The following LGSN variants were observed in gnomAD, a reference collection of about 807,000 sequenced individuals.
LGSN encodes lengsin, lens protein with glutamine synthetase domain.
A neutral mutation model predicts 19.5 loss-of-function variants in LGSN; 21 were observed. The observed-to-expected ratio is 1.07, with a 90% CI of 0.76 to 1.55. The LOEUF is 1.55. Among genes scored for constraint, LGSN ranks in the 40% most tolerant of loss-of-function variants. LGSN has a pLI of 0.00. For missense variants in LGSN, 673 were observed against 608.5 expected (o/e 1.11, Z -1.12); for synonymous variants, 257 against 215.6 (o/e 1.19, Z -1.68).
chr6:63,363,907 A>C, the LGSN span, among the ~76,000 whole-genome samples: 1 of 152,196 alleles, frequency 6.6e-6, no homozygotes, highest in Non-Finnish European at 1.5e-5. Flanking sequence ...AGATTCAACA[A>C]ACTTGAAATG....
At chr6:63,488,908 G>T in the LGSN span, among the ~76,000 whole-genome samples, 5 of 150,700 alleles carry the variant, frequency 3.3e-5, no homozygotes, top group Admixed American at 1.3e-4. Flanking sequence ...ACAAAATTTT[G>T]AACATACCAA....
the LGSN span, among the ~76,000 whole-genome samples, chr6:63,473,472 TAAAAAAAAAAAAA>T: frequency 6.7e-5 from 4 of 59,380 alleles, no homozygotes; most frequent in South Asian, 7.5e-4. Context: ...ACACTCTGTC[TAAAAAAAAAAAAA>T]AAAAAAAAAA....
chr6:63,570,248 T>C, the LGSN span, among the ~76,000 whole-genome samples: 351 of 152,278 alleles, frequency 2.3e-3, 2 homozygotes, highest in African/African-American at 8.0e-3. Flanking sequence ...GGAGAATTGC[T>C]GGAACCCAGG....
chr6:63,357,696 A>G, the LGSN span, among the ~76,000 whole-genome samples: 1 of 151,810 alleles, frequency 6.6e-6, no homozygotes. Flanking sequence ...TTTTTCTTGT[A>G]AATTTGTTTG....
At chr6:63,567,039 T>C in the LGSN span, among the ~76,000 whole-genome samples, 1 of 152,216 alleles carries the variant, frequency 6.6e-6, no homozygotes, top group Non-Finnish European at 1.5e-5. Flanking sequence ...AGTCAACTCT[T>C]CAGACTCTGT....
the LGSN span, among the ~76,000 whole-genome samples, chr6:63,522,978 C>A: frequency 6.6e-6 from 1 of 151,684 alleles, no homozygotes; most frequent in African/African-American, 2.4e-5. Context: ...GATTCTCCTG[C>A]CACAGCCTCC....
At chr6:63,551,916 C>A in the LGSN span, among the ~76,000 whole-genome samples, 4 of 152,074 alleles carry the variant, frequency 2.6e-5, no homozygotes, top group African/African-American at 4.8e-5. Flanking sequence ...TGTATATGTG[C>A]CACATTTTCT....
the LGSN span, chr6:63,572,456 G>A: frequency 2.6e-6 from 1 of 383,506 alleles, no homozygotes; most frequent in Non-Finnish European, 4.6e-6. Context: ...CGGCTATAAA[G>A]GGGAGGGCTT....
chr6:63,470,239 G>T, the LGSN span, among the ~76,000 whole-genome samples: 1 of 151,832 alleles, frequency 6.6e-6, no homozygotes, highest in African/African-American at 2.4e-5. Context: ...AGGCCAAGGT[G>T]GGCAGATCAC....
At chr6:63,390,417 A>G in the LGSN span, among the ~76,000 whole-genome samples, 1 of 151,260 alleles carries the variant, frequency 6.6e-6, no homozygotes, top group African/African-American at 2.4e-5. Context: ...GGTTTGAGCC[A>G]TTGTGCCAGC....
chr6:63,417,016 C>G, the LGSN span, among the ~76,000 whole-genome samples: 1 of 151,606 alleles, frequency 6.6e-6, no homozygotes, highest in Non-Finnish European at 1.5e-5. Context: ...TTATCAAAAA[C>G]AGATGTGAAA....
At chr6:63,327,456 A>C in the LGSN span, among the ~76,000 whole-genome samples, 449 of 152,326 alleles carry the variant, frequency 2.9e-3, 4 homozygotes, top group African/African-American at 0.01. Flanking sequence ...ATGCTATCCC[A>C]GACTGGTTAG....
the LGSN span, among the ~76,000 whole-genome samples, chr6:63,343,397 TTAAA>T: frequency 3.3e-5 from 5 of 152,212 alleles, no homozygotes; most frequent in Non-Finnish European, 5.9e-5. Flanking sequence ...AAAATGTAAC[TTAAA>T]TAAATGTGTG....
At chr6:63,463,194 C>A in the LGSN span, among the ~76,000 whole-genome samples, 1 of 152,060 alleles carries the variant, frequency 6.6e-6, no homozygotes, top group Non-Finnish European at 1.5e-5. Context: ...AAAAATTGTG[C>A]CTACCTCATA....
the LGSN span, among the ~76,000 whole-genome samples, chr6:63,412,553 A>AGAAAAGAAAGAAAAAGAAAGAAG: frequency 7.2e-6 from 1 of 138,966 alleles, no homozygotes; most frequent in African/African-American, 3.1e-5. Flanking sequence ...AAAGAAAGAA[A>AGAAAAGAAAGAAAAAGAAAGAAG]GAAAGAAAGA....
the LGSN span, among the ~76,000 whole-genome samples, chr6:63,454,850 A>G: frequency 1.7e-5 from 2 of 117,700 alleles, no homozygotes; most frequent in Non-Finnish European, 3.2e-5. Flanking sequence ...GCTGGAGTGT[A>G]ATGGCAATCT....
the LGSN span, among the ~76,000 whole-genome samples, chr6:63,406,453 G>C: frequency 2.0e-5 from 3 of 151,408 alleles, no homozygotes; most frequent in Non-Finnish European, 4.4e-5. Context: ...AATGAAGGCA[G>C]AAATAAAGAT....
At chr6:63,535,688 G>C in the LGSN span, among the ~76,000 whole-genome samples, 2 of 152,160 alleles carry the variant, frequency 1.3e-5, no homozygotes, top group Non-Finnish European at 2.9e-5. Flanking sequence ...ATTTATAGTA[G>C]TTTTGATGAG....
At chr6:63,497,555 A>G in the LGSN span, among the ~76,000 whole-genome samples, 1 of 152,136 alleles carries the variant, frequency 6.6e-6, no homozygotes. Flanking sequence ...TCCGTCTCAC[A>G]TAAAATAAAA....
Sources: allele counts gnomAD v4.1 joint callset (sites outside exome capture counted in the v4.1 genomes callset), GRCh38; gene constraint gnomAD v4.1.1; transcripts MANE v1.5; gene names NCBI Gene and HGNC (gene_info 2026-07-23, HGNC 2026-07-21).